The following G3BP2 variants were observed in gnomAD, a reference collection of about 807,000 sequenced individuals.
G3BP2 encodes the protein ras GTPase-activating protein-binding protein 2.
Under a neutral mutation model 56.7 loss-of-function variants are expected in G3BP2, and 11 were observed. That is an observed-to-expected ratio of 0.19 (90% CI 0.12 to 0.32). G3BP2 has a LOEUF of 0.32. Among genes scored for constraint, G3BP2 ranks in the 10% least tolerant of loss-of-function variants. The pLI, the probability that G3BP2 is intolerant of heterozygous loss-of-function variation, is 1.00. For synonymous variants in G3BP2, 165 were observed against 191.6 expected (o/e 0.86, Z 1.15); for missense variants, 340 against 610.9 (o/e 0.56, Z 4.67).
Position 75,658,854 on chromosome 4 carries a change from A to G in G3BP2, c.166T>C (p.Tyr56His). Residue 56 changes from tyrosine to histidine, a missense_variant, in exon 3 of 12, where the codon TAT (tyrosine) becomes CAT (histidine). Physicochemically the swap from Tyr to His is moderately conservative, Grantham distance 83. Around this residue, in one of 4 missense-constraint regions of G3BP2, gnomAD observed 21 missense variants for 83.7 expected, o/e 0.25. Coordinates refer to ENST00000359707, the MANE Select transcript of G3BP2 (RefSeq NM_203505.3). Reference sequence around the variant, plus strand: ...AAATTGATACTTACATTTTGGCCATAAACAGCTTCCTGGGGCTTTCCACTA... The same window carrying G: ...AAATTGATACTTACATTTTGGCCATGAACAGCTTCCTGGGGCTTTCCACTA... Reference protein sequence around the residue: ...DASGKPQEAVYGQNDIHHKVL... With the variant: ...DASGKPQEAVHGQNDIHHKVL... 2 of 1,608,076 alleles carry G rather than the reference A, an allele frequency of 1.2e-6. No homozygotes were observed. The highest frequency in any genetic ancestry group is 1.7e-6 in the Non-Finnish European group (2 of 1,174,418).
chr4:75,704,507 C>CA (rs35875608), intron 3 of G3BP2, among the ~76,000 whole-genome samples: 46,290 of 151,750 alleles, frequency 0.31, 8,608 homozygotes, highest in East Asian at 0.76. Context: ...TTTATAGAGA[C>CA]AGGGTCTCAC....
At chr4:75,649,862 T>A (rs1410705648) in intron 8 of G3BP2, among the ~76,000 whole-genome samples, 1 of 151,308 alleles carries the variant, frequency 6.6e-6, no homozygotes, top group Non-Finnish European at 1.5e-5. Context: ...ATACAAAAAA[T>A]TAGCTGGGTG....
intron 3 of G3BP2, among the ~76,000 whole-genome samples, chr4:75,708,248 C>T (rs551782932): frequency 3.3e-5 from 5 of 152,280 alleles, no homozygotes; most frequent in African/African-American, 1.2e-4. Flanking sequence ...TTGGCTCTTA[C>T]AAAGAACTTG....
At chr4:75,694,505 G>A (rs975789244) in intron 3 of G3BP2, among the ~76,000 whole-genome samples, 2 of 152,250 alleles carry the variant, frequency 1.3e-5, no homozygotes, top group Non-Finnish European at 2.9e-5. Flanking sequence ...GCGGAAAGCT[G>A]AGGCAGGAGA....
intron 3 of G3BP2, among the ~76,000 whole-genome samples, chr4:75,717,642 T>A (rs1336167947): frequency 5.3e-5 from 8 of 152,184 alleles, no homozygotes; most frequent in Non-Finnish European, 1.0e-4. Flanking sequence ...CATCACCCAA[T>A]GCGAACTTCA....
chr4:75,718,865 G>A (rs1720031195), intron 3 of G3BP2, among the ~76,000 whole-genome samples: 2 of 152,072 alleles, frequency 1.3e-5, no homozygotes, highest in Non-Finnish European at 2.9e-5. Flanking sequence ...ATCTTGCCCC[G>A]CATGGAGCTA....
chr4:75,703,442 C>T (rs1368563592), intron 3 of G3BP2, among the ~76,000 whole-genome samples: 2 of 152,176 alleles, frequency 1.3e-5, no homozygotes, highest in Admixed American at 6.5e-5. Context: ...TTCCCCCAAC[C>T]CCTAGACCTT....
At chr4:75,649,644 T>C (rs998584908) in intron 8 of G3BP2, among the ~76,000 whole-genome samples, 2 of 152,144 alleles carry the variant, frequency 1.3e-5, no homozygotes, top group East Asian at 1.9e-4. Flanking sequence ...GAGACAAATA[T>C]ATGAGCCTAC....
chr4:75,674,697 T>TAC, upstream of G3BP2, among the ~76,000 whole-genome samples: 1 of 43,188 alleles, frequency 2.3e-5, no homozygotes, highest in African/African-American at 6.2e-5. Flanking sequence ...TGTATGTACA[T>TAC]ATATATATAT....
At chr4:75,646,888 G>A (rs916333812) in intron 10 of G3BP2, 141 bp downstream of exon 10, 4 of 570,466 alleles carry the variant, frequency 7.0e-6, no homozygotes, top group Non-Finnish European at 1.2e-5. Flanking sequence ...ACTCCCTTCT[G>A]CACAATTAAG....
chr4:75,699,045 T>TA (rs1389128455), intron 3 of G3BP2, among the ~76,000 whole-genome samples: 5 of 152,170 alleles, frequency 3.3e-5, no homozygotes, highest in Non-Finnish European at 7.4e-5. Context: ...TGTACCCACC[T>TA]ACTCCTCTGT....
chr4:75,674,923 A>C (rs1578418503), upstream of G3BP2, among the ~76,000 whole-genome samples: 1 of 151,600 alleles, frequency 6.6e-6, no homozygotes, highest in South Asian at 2.1e-4. Context: ...AGGTTTCACT[A>C]TGTTGGCCAG....
chr4:75,685,157 T>G (rs1010477778), intron 3 of G3BP2, among the ~76,000 whole-genome samples: 1 of 151,606 alleles, frequency 6.6e-6, no homozygotes, highest in African/African-American at 2.4e-5. Context: ...CATATTTTAT[T>G]TTGAAAATAA....
intron 7 of G3BP2, 124 bp downstream of exon 7, chr4:75,654,942 C>T: frequency 1.5e-6 from 1 of 673,456 alleles, no homozygotes; most frequent in Non-Finnish European, 2.5e-6. Flanking sequence ...AACCCCACAG[C>T]TTCTTTCATA....
intron 1 of G3BP2, among the ~76,000 whole-genome samples, chr4:75,668,585 G>C (rs1191513375): frequency 6.6e-6 from 1 of 152,202 alleles, no homozygotes; most frequent in Non-Finnish European, 1.5e-5. Context: ...AGGTATTCCA[G>C]AGACTAACTG....
upstream of G3BP2, chr4:75,673,458 G>C: frequency 8.1e-7 from 1 of 1,232,028 alleles, no homozygotes; most frequent in African/African-American, 1.6e-5. Flanking sequence ...TACCCCTGCC[G>C]AAAGGGCCAG....
chr4:75,645,820 C>A, intron 11 of G3BP2, 118 bp from the exon 12 acceptor site: 8 of 846,874 alleles, frequency 9.4e-6, no homozygotes, highest in South Asian at 1.7e-5. Flanking sequence ...CAGCCCCCCA[C>A]CCCCCAGAGA....
chr4:75,652,789 G>A (rs1006389363), intron 8 of G3BP2, among the ~76,000 whole-genome samples: 3 of 152,292 alleles, frequency 2.0e-5, no homozygotes, highest in African/African-American at 7.2e-5. Flanking sequence ...CCCTGACAGG[G>A]TGGTTGTGAG....
chr4:75,695,462 G>T (rs575398029), intron 3 of G3BP2, among the ~76,000 whole-genome samples: 3 of 152,278 alleles, frequency 2.0e-5, no homozygotes, highest in African/African-American at 7.2e-5. Context: ...AAGTCAACCT[G>T]GACCTCCCCA....
Sources: gnomAD v4.1 joint callset for allele counts (sites outside exome capture counted in the v4.1 genomes callset) on GRCh38, gnomAD v4.1.1 for gene constraint, gnomAD v4.1.1 regional missense constraint, MANE v1.5 for transcripts, NCBI Gene and HGNC (gene_info 2026-07-23, HGNC 2026-07-21) for gene names.